The following PTPRD variants were observed in gnomAD, a reference collection of about 807,000 sequenced individuals.
PTPRD encodes the protein protein tyrosine phosphatase receptor type D, also known as receptor-type tyrosine-protein phosphatase delta.
In PTPRD, 34 loss-of-function variants were observed where a neutral mutation model predicts 214.5. The observed-to-expected ratio is 0.16, with a 90% CI of 0.12 to 0.21. The LOEUF (loss-of-function observed/expected upper bound fraction) is 0.21, where lower values mean the gene tolerates loss of function less well. Among genes scored for constraint, PTPRD ranks in the 10% least tolerant of loss-of-function variants. The pLI is 1.00. For missense variants in PTPRD, 2,545 were observed against 2,398.7 expected (o/e 1.06, Z -1.27); for synonymous variants, 1,128 against 845.7 (o/e 1.33, Z -5.79).
chr9:9,625,652 C>G (rs538458893), intron 7 of PTPRD, among the ~76,000 whole-genome samples: 1 of 151,960 alleles, frequency 6.6e-6, no homozygotes, highest in East Asian at 1.9e-4. Context: ...AGATAGTCAC[C>G]ATTTTGTATA....
At chr9:9,741,920 G>T (rs986437019) in intron 6 of PTPRD, among the ~76,000 whole-genome samples, 41 of 152,126 alleles carry the variant, frequency 2.7e-4, no homozygotes, top group African/African-American at 9.9e-4. Flanking sequence ...AAACATACAT[G>T]AGCATGTGTC....
chr9:10,436,156 A>G (rs185509766), intron 2 of PTPRD, among the ~76,000 whole-genome samples: 104 of 151,980 alleles, frequency 6.8e-4, no homozygotes, highest in African/African-American at 2.3e-3. Flanking sequence ...GAAGATGATA[A>G]TATGTCAAAA....
chr9:10,030,895 T>C (rs1194484579), intron 4 of PTPRD, among the ~76,000 whole-genome samples: 8 of 152,240 alleles, frequency 5.3e-5, no homozygotes, highest in Admixed American at 5.2e-4. Flanking sequence ...GCTTAAATCT[T>C]CATTGTGTTC....
intron 5 of PTPRD, among the ~76,000 whole-genome samples, chr9:9,777,454 G>A (rs570062496): frequency 1.3e-5 from 2 of 152,200 alleles, no homozygotes; most frequent in East Asian, 1.9e-4. Context: ...CAGCCATTTG[G>A]GAGGCCGAGG....
chr9:10,395,378 T>A (rs2098148617), intron 2 of PTPRD, among the ~76,000 whole-genome samples: 1 of 151,738 alleles, frequency 6.6e-6, no homozygotes, highest in South Asian at 2.1e-4. Context: ...TGCGATAGTT[T>A]GCTGAGAATG....
At chr9:8,681,125 G>A (rs779902999) in intron 12 of PTPRD, among the ~76,000 whole-genome samples, 14 of 152,048 alleles carry the variant, frequency 9.2e-5, no homozygotes, top group Admixed American at 2.6e-4. Context: ...CCAAGGTTAC[G>A]TCATTCCCAA....
At chr9:8,998,737 TA>T (rs1476509876) in intron 11 of PTPRD, among the ~76,000 whole-genome samples, 4 of 152,068 alleles carry the variant, frequency 2.6e-5, no homozygotes, top group Admixed American at 2.6e-4. Flanking sequence ...AAAGTAAATC[TA>T]AAACCTTCTG....
At chr9:8,703,737 A>G (rs530449238) in intron 12 of PTPRD, among the ~76,000 whole-genome samples, 2 of 152,262 alleles carry the variant, frequency 1.3e-5, no homozygotes, top group South Asian at 4.2e-4. Context: ...CTCTGTCACC[A>G]TTTATATGCT....
chr9:9,606,073 T>A (rs1025416363), intron 7 of PTPRD, among the ~76,000 whole-genome samples: 1 of 152,074 alleles, frequency 6.6e-6, no homozygotes, highest in Non-Finnish European at 1.5e-5. Context: ...CCTTGAAGAC[T>A]AGAATGAATT....
intron 7 of PTPRD, among the ~76,000 whole-genome samples, chr9:9,698,837 A>T (rs374938497): frequency 6.6e-6 from 1 of 152,186 alleles, no homozygotes; most frequent in East Asian, 1.9e-4. Context: ...TCACAGATAT[A>T]AAAGTCTGAT....
chr9:8,371,383 G>C (rs759470072), intron 39 of PTPRD, among the ~76,000 whole-genome samples: 9 of 151,924 alleles, frequency 5.9e-5, no homozygotes, highest in Non-Finnish European at 1.2e-4. Context: ...AAGAGCTGGG[G>C]GTAAAAATGT....
In PTPRD at chr9:9,575,717, C is replaced by CAAAAA. The variant is rs757614546; in HGVS notation, c.-286-941_-286-937dup. On this transcript the variant is annotated intron_variant, in intron 7 of 45. Transcript: ENST00000381196. The stretch of plus-strand genomic sequence containing the variant: ...CCTGGGTGACAGAGCAAGACTGTCT[C>CAAAAA]AAAAAAAAAAAAAAAAAAAAAAAAA... 6.7e-3 allele frequency among the ~76,000 whole-genome samples: 223 copies of CAAAAA among 33,292 alleles called. 1 individual carries two copies. The highest frequency in any genetic ancestry group is 0.012 in the East Asian group (9 of 740). 21.8% of individuals were successfully genotyped at this position (33,292 alleles called of 152,430 possible). A position where few individuals can be genotyped will look rare whatever the true frequency, so the allele number is the denominator to read the frequency against.
intron 3 of PTPRD, among the ~76,000 whole-genome samples, chr9:10,192,019 A>G (rs1315414958): frequency 1.3e-5 from 2 of 152,298 alleles, no homozygotes; most frequent in South Asian, 2.1e-4. Context: ...TTGGTAATCA[A>G]ATGAATACTT....
chr9:9,026,260 T>C (rs2099586774), intron 10 of PTPRD, among the ~76,000 whole-genome samples: 1 of 151,954 alleles, frequency 6.6e-6, no homozygotes, highest in African/African-American at 2.4e-5. Context: ...CCAGCTTTAG[T>C]GCTTGAAGAA....
intron 11 of PTPRD, among the ~76,000 whole-genome samples, chr9:8,756,438 G>A (rs2093993294): frequency 6.6e-6 from 1 of 152,238 alleles, no homozygotes. Context: ...TATTTTGCAA[G>A]ATGCATAAAA....
intron 30 of PTPRD, among the ~76,000 whole-genome samples, chr9:8,473,053 G>A (rs2096687222): frequency 6.6e-6 from 1 of 152,184 alleles, no homozygotes; most frequent in Non-Finnish European, 1.5e-5. Context: ...ACAGGCCGGA[G>A]AGACGCATCT....
At chr9:10,580,067 C>T (rs1375404289) in intron 2 of PTPRD, among the ~76,000 whole-genome samples, 1 of 152,062 alleles carries the variant, frequency 6.6e-6, no homozygotes, top group African/African-American at 2.4e-5. Context: ...CTTTGTTGTT[C>T]TAGCTTAATT....
chr9:9,541,442 C>G (rs2077568589), intron 8 of PTPRD, among the ~76,000 whole-genome samples: 1 of 151,752 alleles, frequency 6.6e-6, no homozygotes, highest in Non-Finnish European at 1.5e-5. Context: ...CCAGCCCAAC[C>G]CAGCTACAAC....
chr9:8,709,310 C>G (rs1340934065), intron 12 of PTPRD, among the ~76,000 whole-genome samples: 2 of 151,664 alleles, frequency 1.3e-5, no homozygotes, highest in African/African-American at 4.8e-5. Context: ...GTCAGGAGAT[C>G]GAGACCATCC....
Sources: gnomAD v4.1 joint callset for allele counts (sites outside exome capture counted in the v4.1 genomes callset) on GRCh38, gnomAD v4.1.1 for gene constraint, MANE v1.5 for transcripts, NCBI Gene and HGNC (gene_info 2026-07-23, HGNC 2026-07-21) for gene names.